CRPPA: variants seen among roughly 807,000 people sequenced by gnomAD.
CRPPA encodes D-ribitol-5-phosphate cytidylyltransferase.
A neutral mutation model predicts 52.0 loss-of-function variants in CRPPA; 43 were observed. The ratio of observed to expected loss-of-function variants is 0.83; its 90% CI spans 0.65 to 1.07. The LOEUF (loss-of-function observed/expected upper bound fraction) is 1.07. CRPPA is among the 50% of genes least tolerant of loss of function. The pLI, the probability that CRPPA is intolerant of heterozygous loss-of-function variation, is 0.00. For missense variants in CRPPA, 629 were observed against 551.7 expected, an observed-to-expected ratio of 1.14 and a Z score of -1.40; for synonymous variants, 250 against 203.5, an observed-to-expected ratio of 1.23 and a Z score of -1.94.
At chr7:16,349,916 T>C (rs1434385626) in intron 3 of CRPPA, among the ~76,000 whole-genome samples, 4 of 151,674 alleles carry the variant, frequency 2.6e-5, no homozygotes, top group Admixed American at 6.6e-5. Flanking sequence ...CAAGAGACAC[T>C]AAATAAGATG....
chr7:16,389,807 A>G (rs1219104644), intron 2 of CRPPA, among the ~76,000 whole-genome samples: 1 of 150,596 alleles, frequency 6.6e-6, no homozygotes, highest in African/African-American at 2.4e-5. Flanking sequence ...AGCTATCTCT[A>G]TTTGCAGATT....
intron 9 of CRPPA, among the ~76,000 whole-genome samples, chr7:16,094,697 T>G (rs541290000): frequency 6.6e-6 from 1 of 152,250 alleles, no homozygotes; most frequent in South Asian, 2.1e-4. Flanking sequence ...TGAAAAATCA[T>G]GCTGATAGTA....
At chr7:16,142,799 C>T (rs573123847) in intron 9 of CRPPA, among the ~76,000 whole-genome samples, 19 of 152,180 alleles carry the variant, frequency 1.2e-4, no homozygotes, top group South Asian at 1.2e-3. Flanking sequence ...AACACTAATG[C>T]GTTATAAAAT....
chr7:16,110,200 T>A (rs1225536026), intron 9 of CRPPA, among the ~76,000 whole-genome samples: 1 of 151,990 alleles, frequency 6.6e-6, no homozygotes, highest in African/African-American at 2.4e-5. Context: ...GTAAAAATAT[T>A]TGGGAATAAA....
chr7:16,254,954 G>C (rs1483516522), intron 8 of CRPPA, among the ~76,000 whole-genome samples: 2 of 152,150 alleles, frequency 1.3e-5, no homozygotes, highest in African/African-American at 2.4e-5. Flanking sequence ...AATCAGGCAA[G>C]AGAAAGAAAT....
At chr7:16,186,761 T>G (rs1455245975) in intron 9 of CRPPA, among the ~76,000 whole-genome samples, 2 of 152,012 alleles carry the variant, frequency 1.3e-5, no homozygotes, top group Non-Finnish European at 2.9e-5. Context: ...AAAATAGAAT[T>G]TGTTCCCAGA....
At chr7:16,265,498 T>G (rs889382614) in intron 6 of CRPPA, among the ~76,000 whole-genome samples, 21 of 152,260 alleles carry the variant, frequency 1.4e-4, no homozygotes, top group African/African-American at 3.1e-4. Flanking sequence ...TCTGTCTGAG[T>G]CCAAGGACAT....
intron 9 of CRPPA, among the ~76,000 whole-genome samples, chr7:16,213,732 A>G (rs1245250945): frequency 6.7e-6 from 1 of 149,196 alleles, no homozygotes; most frequent in Non-Finnish European, 1.5e-5. Flanking sequence ...CTGGGCAACA[A>G]GAGAAAAACT....
chr7:16,204,248 T>C (rs968853861), intron 9 of CRPPA, among the ~76,000 whole-genome samples: 3 of 152,182 alleles, frequency 2.0e-5, no homozygotes, highest in Admixed American at 6.5e-5. Flanking sequence ...TATATGACAA[T>C]TGAATTGAGG....
chr7:16,149,789 C>A (rs1449887191), intron 9 of CRPPA, among the ~76,000 whole-genome samples: 1 of 152,080 alleles, frequency 6.6e-6, no homozygotes, highest in African/African-American at 2.4e-5. Context: ...AGTTTGCGAC[C>A]AGCCTGGGCA....
chr7:16,174,439 T>C (rs1781253017), intron 9 of CRPPA, among the ~76,000 whole-genome samples: 1 of 152,160 alleles, frequency 6.6e-6, no homozygotes. Context: ...GGCTGTATTC[T>C]AATAAAACTC....
At chr7:16,340,372 C>A (rs987816614) in intron 3 of CRPPA, among the ~76,000 whole-genome samples, 1 of 151,862 alleles carries the variant, frequency 6.6e-6, no homozygotes, top group Admixed American at 6.5e-5. Context: ...CACAAACATG[C>A]AAAGAACTCT....
At chr7:16,156,404 T>C (rs1783182903) in intron 9 of CRPPA, among the ~76,000 whole-genome samples, 1 of 152,182 alleles carries the variant, frequency 6.6e-6, no homozygotes, top group Non-Finnish European at 1.5e-5. Context: ...ATAGTGTTCA[T>C]GAGTAAAGGG....
chr7:16,168,544 C>T (rs1247055778), intron 9 of CRPPA, among the ~76,000 whole-genome samples: 1 of 145,696 alleles, frequency 6.9e-6, no homozygotes, highest in Non-Finnish European at 1.5e-5. Flanking sequence ...AACACACACA[C>T]ACACACACAC....
At chr7:16,358,225 G>A (rs1208689495) in intron 3 of CRPPA, among the ~76,000 whole-genome samples, 1 of 151,992 alleles carries the variant, frequency 6.6e-6, no homozygotes, top group South Asian at 2.1e-4. Flanking sequence ...GAGCCAGCAG[G>A]GATGGAAACA....
chr7:16,141,172 T>G (rs540737750), intron 9 of CRPPA, among the ~76,000 whole-genome samples: 2 of 152,306 alleles, frequency 1.3e-5, no homozygotes, highest in Non-Finnish European at 2.9e-5. Flanking sequence ...AGCTGTCCAT[T>G]CATTTATGAT....
chr7:16,230,534 C>T lies in CRPPA; in HGVS notation c.1120-14337G>A, dbSNP rs1193707924. On this transcript the variant is annotated intron_variant, in intron 8 of 9. Coordinates refer to ENST00000407010, the MANE Select transcript of CRPPA (RefSeq NM_001101426.4). ...CTGATTATATTTCACATTCTGGTCACTGTTTTCTTCATTGTGTTGAATTGT... is the reference window on the plus strand; with the variant it reads ...CTGATTATATTTCACATTCTGGTCATTGTTTTCTTCATTGTGTTGAATTGT... Among the ~76,000 whole-genome samples the T allele has an allele frequency of 2.0e-5, 3 of 152,088 alleles. No homozygotes were observed. The East Asian group carries it at 5.8e-4, about 29-fold the overall frequency.
chr7:16,142,566 G>C (rs1259677115), intron 9 of CRPPA, among the ~76,000 whole-genome samples: 1 of 152,148 alleles, frequency 6.6e-6, no homozygotes, highest in African/African-American at 2.4e-5. Context: ...TTCCAAAGTA[G>C]TTCCCACTTC....
intron 3 of CRPPA, among the ~76,000 whole-genome samples, chr7:16,328,898 C>T (rs551275786): frequency 3.3e-5 from 5 of 152,216 alleles, no homozygotes; most frequent in East Asian, 1.9e-4. Flanking sequence ...ACATGATAGC[C>T]TGCCAACTAT....
Sources: gnomAD v4.1 joint callset for allele counts (sites outside exome capture counted in the v4.1 genomes callset) on GRCh38, gnomAD v4.1.1 for gene constraint, MANE v1.5 for transcripts, NCBI Gene and HGNC (gene_info 2026-07-23, HGNC 2026-07-21) for gene names.